Variants in CCAR1 observed in about 807,000 individuals in gnomAD.
The protein encoded by CCAR1 is cell division cycle and apoptosis regulator protein 1.
CCAR1 carries 78 observed loss-of-function variants against 163.8 expected under a neutral mutation model. The ratio of observed to expected loss-of-function variants is 0.48; its 90% CI spans 0.40 to 0.57. The LOEUF (loss-of-function observed/expected upper bound fraction) is 0.57, where lower values mean the gene tolerates loss of function less well. Ranked by LOEUF, CCAR1 falls within the 20% of genes least tolerant of loss-of-function variation. The pLI is 0.00. For synonymous variants in CCAR1, 443 were observed against 460.7 expected (o/e 0.96, Z 0.49); for missense variants, 1,019 against 1,365.2 (o/e 0.75, Z 4.00).
At chr10:68,772,200 A>G (rs1263137590) in intron 18 of CCAR1, among the ~76,000 whole-genome samples, 2 of 152,136 alleles carry the variant, frequency 1.3e-5, no homozygotes, top group East Asian at 3.9e-4. Context: ...ATACATTTAT[A>G]GTATGGGCAT....
rs182117234 is a variant in CCAR1, at chr10:68,764,020, C to T, written c.2107-1868C>T. Among the ~76,000 whole-genome samples the T allele has an allele frequency of 4.6e-5, 7 of 152,262 alleles. No homozygotes were observed. The East Asian group carries it at 7.7e-4, about 17-fold the overall frequency. ...TTAGGTTGCTGCTCCCAACCCCTTT[C>T]AGTGAACAGAGATATGGAAGATAGA... On this transcript the variant is annotated intron_variant, in intron 16 of 24. Transcript: ENST00000265872.
At chr10:68,773,337 T>G (rs1032993245) in intron 19 of CCAR1, among the ~76,000 whole-genome samples, 4 of 152,104 alleles carry the variant, frequency 2.6e-5, no homozygotes, top group Admixed American at 6.6e-5. Flanking sequence ...CGGAACAAAT[T>G]TCCCGGAACA....
intron 19 of CCAR1, 42 bp from the exon 20 acceptor site, chr10:68,786,094 T>C (rs2056792113): frequency 1.5e-6 from 2 of 1,306,404 alleles, no homozygotes; most frequent in Non-Finnish European, 2.2e-6. Flanking sequence ...TGAAAGTATG[T>C]GTATTAATGA....
intron 2 of CCAR1, among the ~76,000 whole-genome samples, chr10:68,734,505 T>C (rs2056082051): frequency 6.6e-6 from 1 of 151,952 alleles, no homozygotes; most frequent in East Asian, 1.9e-4. Flanking sequence ...TTTTCTTTTT[T>C]CTTTTTTTGG....
intron 2 of CCAR1, 128 bp from the exon 3 acceptor site, chr10:68,736,748 T>A: frequency 1.4e-6 from 1 of 689,766 alleles, no homozygotes; most frequent in East Asian, 2.7e-5. Flanking sequence ...TGATTCCATA[T>A]CTTGACTATT....
At chr10:68,744,640 T>C (rs898984520) in intron 6 of CCAR1, among the ~76,000 whole-genome samples, 1 of 152,202 alleles carries the variant, frequency 6.6e-6, no homozygotes, top group Admixed American at 6.5e-5. Context: ...TTCCTGTTTT[T>C]TATCTTTTTT....
intron 2 of CCAR1, among the ~76,000 whole-genome samples, chr10:68,727,369 C>A (rs2055964335): frequency 6.6e-6 from 1 of 152,052 alleles, no homozygotes; most frequent in South Asian, 2.1e-4. Flanking sequence ...CAACTTAATT[C>A]TCTAAGAGAT....
At chr10:68,749,000 A>G in intron 8 of CCAR1, 136 bp from the exon 9 acceptor site, 4 of 968,100 alleles carry the variant, frequency 4.1e-6, no homozygotes, top group Non-Finnish European at 6.0e-6. Flanking sequence ...TTAAAAATAT[A>G]TATAAATTAG....
chr10:68,771,598 A>G (rs1026580002), intron 18 of CCAR1, among the ~76,000 whole-genome samples, 153 bp downstream of exon 18: 1 of 152,116 alleles, frequency 6.6e-6, no homozygotes, highest in African/African-American at 2.4e-5. Flanking sequence ...CACAGCTAAC[A>G]CAGTGAAACC....
Position 68,754,097 on chromosome 10 carries a change from A to C in CCAR1, c.1344+20A>C. On this transcript the variant is annotated intron_variant, in intron 11 of 24. Coordinates refer to ENST00000265872, the MANE Select transcript of CCAR1 (RefSeq NM_018237.4). Reference sequence around the variant, plus strand: ...GCAAAGGTTTGTATTCAGCTGTGATATGCAGCTTAAATTTCTTAGCAGTTA... The same window carrying C: ...GCAAAGGTTTGTATTCAGCTGTGATCTGCAGCTTAAATTTCTTAGCAGTTA... 4.7e-6 allele frequency: 7 copies of C among 1,481,240 alleles called. No homozygotes were observed. The highest frequency in any genetic ancestry group is 6.6e-6 in the Non-Finnish European group (7 of 1,067,100). 91.8% of individuals were successfully genotyped at this position (1,481,240 alleles called of 1,614,324 possible). A position where few individuals can be genotyped will look rare whatever the true frequency, so the allele number is the denominator to read the frequency against.
chr10:68,775,748 G>A (rs2056659177), intron 19 of CCAR1, among the ~76,000 whole-genome samples: 2 of 127,898 alleles, frequency 1.6e-5, no homozygotes, highest in Admixed American at 2.0e-4. Flanking sequence ...CCAGGCTGGA[G>A]TGCAGTGGCG....
intron 13 of CCAR1, 99 bp downstream of exon 13, chr10:68,755,635 C>A: frequency 2.1e-6 from 2 of 970,984 alleles, no homozygotes; most frequent in Non-Finnish European, 3.0e-6. Flanking sequence ...TTTTAGCAAC[C>A]CTGGTCAATG....
chr10:68,785,018 C>T (rs953681287), intron 19 of CCAR1, among the ~76,000 whole-genome samples: 1 of 150,300 alleles, frequency 6.7e-6, no homozygotes, highest in African/African-American at 2.5e-5. Flanking sequence ...CCTGGGTTCA[C>T]GCCATTCTCC....
chr10:68,747,276 G>T lies in CCAR1; in HGVS notation c.633+1G>T, dbSNP rs1359394640. On this transcript the variant is annotated splice_donor_variant, in intron 7 of 24. Transcript: ENST00000265872. LOFTEE classifies it high-confidence loss of function. ...GAGAATTCAAACACTACCAAATCAGGTACAGAAAGTATTGAGTTAGGTATT... is the reference window on the plus strand; with the variant it reads ...GAGAATTCAAACACTACCAAATCAGTTACAGAAAGTATTGAGTTAGGTATT... 6.3e-7 allele frequency: 1 copy of T among 1,592,224 alleles called. No homozygotes were observed. The highest frequency in any genetic ancestry group is 1.7e-5 in the Admixed American group (1 of 58,300).
chr10:68,722,327 C>T (rs1013315951), intron 1 of CCAR1, 128 bp from the exon 2 acceptor site: 2 of 600,310 alleles, frequency 3.3e-6, no homozygotes, highest in East Asian at 2.7e-5. Context: ...TTCTACTTAA[C>T]AGTTGTTATT....
Position 68,792,299 on chromosome 10 carries a change from G to A in CCAR1, c.*1033G>A, listed in dbSNP as rs774706298. On this transcript the variant is annotated 3_prime_UTR_variant, in exon 25 of 25. Coordinates refer to ENST00000265872, the MANE Select transcript of CCAR1 (RefSeq NM_018237.4). Reference sequence around the variant, plus strand: ...AAATGCAGTGTATGTCAAATTTACAGTTTAGTACCAAGCCAGTAGATGTCA... The same window carrying A: ...AAATGCAGTGTATGTCAAATTTACAATTTAGTACCAAGCCAGTAGATGTCA... 7.2e-5 allele frequency: 11 copies of A among 152,026 alleles called. No homozygotes were observed. The highest frequency in any genetic ancestry group is 1.5e-4 in the Non-Finnish European group (10 of 68,008). The allele number at this position is 152,026 out of a possible 1,614,324, so 9.4% of individuals were successfully genotyped here.
chr10:68,762,604 G>C (rs1788868759), intron 16 of CCAR1, among the ~76,000 whole-genome samples: 1 of 152,066 alleles, frequency 6.6e-6, no homozygotes, highest in Non-Finnish European at 1.5e-5. Context: ...ACCAGTAATT[G>C]GATAAGCCAC....
At position 68,740,607 on chromosome 10, in the gene CCAR1, G is replaced by T. The variant is rs201173177; in HGVS notation, c.292-22G>T. 340 of 1,604,898 alleles carry T rather than the reference G, an allele frequency of 2.1e-4. No individual in the cohort carries two copies. In the African/African-American group the frequency reaches 4.0e-3, roughly 19 times the overall value. On this transcript the variant is annotated intron_variant, in intron 4 of 24. Transcript: ENST00000265872. Reference sequence around the variant, plus strand: ...AATTCTGATTGACCCTTTTCTGTGTGTGTTTATTTTTCTGTTTTCAGTTAC... The same window carrying T: ...AATTCTGATTGACCCTTTTCTGTGTTTGTTTATTTTTCTGTTTTCAGTTAC...
intron 15 of CCAR1, among the ~76,000 whole-genome samples, chr10:68,758,046 TTGG>T: frequency 6.6e-6 from 1 of 152,006 alleles, no homozygotes; most frequent in Admixed American, 6.6e-5. Flanking sequence ...TGGCCGTAAT[TTGG>T]TTTTTAAAAT....
Sources: gnomAD v4.1 joint callset for allele counts (sites outside exome capture counted in the v4.1 genomes callset) on GRCh38, gnomAD v4.1.1 for gene constraint, MANE v1.5 for transcripts, NCBI Gene and HGNC (gene_info 2026-07-23, HGNC 2026-07-21) for gene names.